The following SV2C variants were observed in gnomAD, a reference collection of about 807,000 sequenced individuals.
SV2C encodes the protein synaptic vesicle glycoprotein 2C.
In SV2C, 49 loss-of-function variants were observed where a neutral mutation model predicts 79.7. The observed-to-expected ratio is 0.61, with a 90% CI of 0.49 to 0.78. SV2C has a LOEUF of 0.78. Among genes scored for constraint, SV2C ranks in the 30% least tolerant of loss-of-function variants. The probability of loss-of-function intolerance (pLI) is 0.00; values close to 1 mark genes in which losing one functional copy is unlikely to be tolerated. For missense variants in SV2C, 833 were observed against 912.9 expected, an observed-to-expected ratio of 0.91 and a Z score of 1.13; for synonymous variants, 334 against 333.2, an observed-to-expected ratio of 1.00 and a Z score of -0.03.
chr5:76,118,182 C>T (rs1453388448), intron 1 of SV2C, among the ~76,000 whole-genome samples: 1 of 152,188 alleles, frequency 6.6e-6, no homozygotes, highest in East Asian at 1.9e-4. Flanking sequence ...GCTCTTCTAG[C>T]TTCTGGGGAC....
At chr5:76,296,922 C>T (rs1747790462) in intron 9 of SV2C, among the ~76,000 whole-genome samples, 1 of 152,188 alleles carries the variant, frequency 6.6e-6, no homozygotes, top group Non-Finnish European at 1.5e-5. Flanking sequence ...CTTAGCATTT[C>T]ACAGAAAGCT....
At chr5:75,977,224 CTGTA>C in the SV2C span, among the ~76,000 whole-genome samples, 1 of 152,106 alleles carries the variant, frequency 6.6e-6, no homozygotes, top group Admixed American at 6.5e-5. Context: ...TGTTAGATAC[CTGTA>C]GTCAGGCTGA....
chr5:76,173,953 C>T (rs113058744), intron 2 of SV2C: 197,491 of 1,567,090 alleles, frequency 0.13, 13,460 homozygotes, highest in Non-Finnish European at 0.14. Flanking sequence ...CTAATGCAAA[C>T]CCTTGTCCAT....
At chr5:75,885,589 T>C in the SV2C span, among the ~76,000 whole-genome samples, 2 of 152,182 alleles carry the variant, frequency 1.3e-5, no homozygotes, top group African/African-American at 4.8e-5. Flanking sequence ...AACATTCTTT[T>C]TAAAAAAAGT....
At chr5:76,207,826 T>C (rs1744651504) in intron 3 of SV2C, among the ~76,000 whole-genome samples, 1 of 152,198 alleles carries the variant, frequency 6.6e-6, no homozygotes, top group Non-Finnish European at 1.5e-5. Flanking sequence ...TCAATTTTAC[T>C]ATCTGCATTC....
At chr5:76,180,278 A>C (rs1341112844) in intron 2 of SV2C, among the ~76,000 whole-genome samples, 3 of 152,204 alleles carry the variant, frequency 2.0e-5, no homozygotes, top group Non-Finnish European at 4.4e-5. Context: ...TATTAATATA[A>C]AGGAGACTTT....
intron 12 of SV2C, among the ~76,000 whole-genome samples, chr5:76,318,373 G>C (rs532173783): frequency 2.0e-5 from 3 of 151,352 alleles, no homozygotes; most frequent in Non-Finnish European, 4.4e-5. Flanking sequence ...AGCCGAGATC[G>C]TGCCACTGCA....
At chr5:76,242,255 T>A in intron 4 of SV2C, 1 of 1,116,936 alleles carries the variant, frequency 9.0e-7, no homozygotes, top group Admixed American at 1.7e-5. Flanking sequence ...CACCTTGGCT[T>A]TATCTCCCTT....
chr5:75,921,690 A>C, the SV2C span: 2 of 574,198 alleles, frequency 3.5e-6, no homozygotes, highest in Admixed American at 2.3e-5. Context: ...ACAGCAATGG[A>C]TATACCCAGC....
At chr5:76,005,919 A>G in the SV2C span, among the ~76,000 whole-genome samples, 3 of 152,138 alleles carry the variant, frequency 2.0e-5, no homozygotes, top group African/African-American at 7.2e-5. Context: ...GATCTTGATT[A>G]TCTTATCTGC....
chr5:76,152,166 G>T (rs1244915665), intron 2 of SV2C, among the ~76,000 whole-genome samples: 1 of 152,208 alleles, frequency 6.6e-6, no homozygotes, highest in Non-Finnish European at 1.5e-5. Flanking sequence ...ACAGGCAGTG[G>T]CCATGAGAAA....
At chr5:76,084,825 GGGGGCGGGAGGACTGCGGCGGCGC>G (rs1747123555) in intron 1 of SV2C, among the ~76,000 whole-genome samples, 1 of 151,804 alleles carries the variant, frequency 6.6e-6, no homozygotes, top group Non-Finnish European at 1.5e-5. Flanking sequence ...CGGGGCAGAG[GGGGGCGGGAGGACTGCGGCGGCGC>G]GGGGCGGCGA....
At chr5:76,095,708 C>T (rs753252281) in intron 1 of SV2C, among the ~76,000 whole-genome samples, 1 of 151,908 alleles carries the variant, frequency 6.6e-6, no homozygotes, top group African/African-American at 2.4e-5. Context: ...TTTTTAAACT[C>T]ATAATTTATT....
At chr5:76,288,131 G>T (rs1426350822) in intron 6 of SV2C, among the ~76,000 whole-genome samples, 1 of 151,780 alleles carries the variant, frequency 6.6e-6, no homozygotes. Flanking sequence ...TCTACAGTAG[G>T]TTGGAGGGAC....
At chr5:75,891,676 C>A in the SV2C span, among the ~76,000 whole-genome samples, 1 of 152,112 alleles carries the variant, frequency 6.6e-6, no homozygotes, top group Non-Finnish European at 1.5e-5. Context: ...AATGTTACCT[C>A]TGCAATTTAA....
intron 3 of SV2C, 94 bp from the exon 4 acceptor site, chr5:76,209,642 C>A: frequency 1.6e-6 from 2 of 1,214,676 alleles, no homozygotes; most frequent in Non-Finnish European, 1.1e-6. Flanking sequence ...AGGGAGAAAG[C>A]ATGTGTTGTT....
At chr5:76,301,306 A>G (rs187116523) in intron 11 of SV2C, 80 bp from the exon 12 acceptor site, 17 of 1,554,580 alleles carry the variant, frequency 1.1e-5, no homozygotes, top group African/African-American at 2.7e-5. Context: ...AGTTTTCTTG[A>G]GCAATCCCAA....
chr5:76,267,710 G>A (rs547353809), intron 4 of SV2C, among the ~76,000 whole-genome samples: 115 of 152,300 alleles, frequency 7.6e-4, no homozygotes, highest in Non-Finnish European at 1.5e-3. Flanking sequence ...GATACAAGTC[G>A]GGGAAGCTCT....
In SV2C at chr5:76,104,408, A is replaced by G. The variant is rs554929607; in HGVS notation, c.-102+20896A>G. 9.9e-5 allele frequency among the ~76,000 whole-genome samples: 15 copies of G among 152,282 alleles called. No individual in the cohort carries two copies. In the South Asian group the frequency reaches 2.3e-3, roughly 23 times the overall value. ...CTTTTTTAAGAGACAAGGTCTTGCTATGTTGGCCAGGCTGGAATGCAGTGG... is the reference window on the plus strand; with the variant it reads ...CTTTTTTAAGAGACAAGGTCTTGCTGTGTTGGCCAGGCTGGAATGCAGTGG... On this transcript the variant is annotated intron_variant, in intron 1 of 12. Coordinates refer to ENST00000502798, the MANE Select transcript of SV2C (RefSeq NM_014979.4).
Sources: gnomAD v4.1 joint callset for allele counts (sites outside exome capture counted in the v4.1 genomes callset) on GRCh38, gnomAD v4.1.1 for gene constraint, MANE v1.5 for transcripts, NCBI Gene and HGNC (gene_info 2026-07-23, HGNC 2026-07-21) for gene names.